TTC7B: variants seen among roughly 807,000 people sequenced by gnomAD.
TTC7B encodes tetratricopeptide repeat protein 7B.
TTC7B carries 28 observed loss-of-function variants against 106.8 expected under a neutral mutation model. That is an observed-to-expected ratio of 0.26 (90% CI 0.19 to 0.36). The LOEUF is 0.36. Among genes scored for constraint, TTC7B ranks in the 10% least tolerant of loss-of-function variants. TTC7B has a pLI of 1.00. For synonymous variants in TTC7B, 405 were observed against 430.6 expected (o/e 0.94, Z 0.74); for missense variants, 862 against 1,076.4 (o/e 0.80, Z 2.79).
At chr14:90,541,978 C>T (rs965222213) in intron 19 of TTC7B, among the ~76,000 whole-genome samples, 1 of 152,192 alleles carries the variant, frequency 6.6e-6, no homozygotes, top group African/African-American at 2.4e-5. Flanking sequence ...CTCGCTCTGT[C>T]ATCCAGGCTG....
intron 19 of TTC7B, among the ~76,000 whole-genome samples, chr14:90,548,550 CATTA>C (rs1889934172): frequency 6.6e-6 from 1 of 152,244 alleles, no homozygotes; most frequent in Non-Finnish European, 1.5e-5. Flanking sequence ...ACAGGTGCCA[CATTA>C]ATTGAGGTGG....
intron 1 of TTC7B, among the ~76,000 whole-genome samples, chr14:90,804,639 C>T (rs2030495820): frequency 1.3e-5 from 2 of 152,330 alleles, no homozygotes; most frequent in South Asian, 4.1e-4. Flanking sequence ...GAGACCACCT[C>T]CCCAGGCCTC....
intron 5 of TTC7B, chr14:90,699,487 C>T (rs994137358): frequency 4.3e-5 from 14 of 326,208 alleles, no homozygotes; most frequent in Non-Finnish European, 7.7e-5. Context: ...GACCTAGGCA[C>T]CAATACACTT....
chr14:90,754,753 C>G (rs1265030264), intron 3 of TTC7B, among the ~76,000 whole-genome samples: 1 of 152,146 alleles, frequency 6.6e-6, no homozygotes, highest in Non-Finnish European at 1.5e-5. Context: ...TCTCCCAGCC[C>G]CCGGGAACCG....
intron 19 of TTC7B, among the ~76,000 whole-genome samples, chr14:90,568,733 G>T (rs1325798915): frequency 6.6e-6 from 1 of 152,128 alleles, no homozygotes; most frequent in African/African-American, 2.4e-5. Flanking sequence ...GACTATCCCT[G>T]TGCCAAATGA....
chr14:90,788,632 C>A (rs769898729), intron 1 of TTC7B, among the ~76,000 whole-genome samples: 1 of 151,936 alleles, frequency 6.6e-6, no homozygotes, highest in African/African-American at 2.4e-5. Flanking sequence ...TTTTAGTGAA[C>A]TCTCAGGAAA....
chr14:90,713,432 C>G (rs1260335902), intron 5 of TTC7B, among the ~76,000 whole-genome samples: 1 of 152,124 alleles, frequency 6.6e-6, no homozygotes, highest in African/African-American at 2.4e-5. Context: ...CTCAGAAGCA[C>G]ATGAAAATTT....
intron 1 of TTC7B, among the ~76,000 whole-genome samples, chr14:90,793,409 A>G (rs998814334): frequency 1.3e-5 from 2 of 151,642 alleles, no homozygotes; most frequent in Non-Finnish European, 2.9e-5. Context: ...CTGTAATCCC[A>G]GCTACTCAGG....
At chr14:90,788,804 A>G (rs1451873147) in intron 1 of TTC7B, among the ~76,000 whole-genome samples, 1 of 152,004 alleles carries the variant, frequency 6.6e-6, no homozygotes, top group Non-Finnish European at 1.5e-5. Flanking sequence ...CTCTACTAAA[A>G]ATACAAAAAT....
In TTC7B at chr14:90,570,593, C is replaced by T. The variant is rs1890992757; in HGVS notation, c.2310+7513G>A. ...ATCGTGCTCGCGGCCGACCACGCAC[C>T]GAGATATATTCTCATTTCGGCTCCT... On this transcript the variant is annotated intron_variant, in intron 19 of 19. Transcript: ENST00000328459. This position sits in a 1 kb window ranked among gnomAD's most constrained non-coding sequence, Gnocchi z 4.0. Among the ~76,000 whole-genome samples the T allele has an allele frequency of 6.6e-6, 1 of 152,156 alleles. No homozygotes were observed. The highest frequency in any genetic ancestry group is 2.1e-4 in the South Asian group (1 of 4,834).
At chr14:90,695,176 G>A (rs1030855870) in intron 6 of TTC7B, among the ~76,000 whole-genome samples, 9 of 96,116 alleles carry the variant, frequency 9.4e-5, no homozygotes, top group Non-Finnish European at 7.8e-5. Flanking sequence ...TATAAAATAT[G>A]TATATTTTAT....
chr14:90,741,367 T>C (rs756108914), intron 4 of TTC7B, among the ~76,000 whole-genome samples: 1 of 152,172 alleles, frequency 6.6e-6, no homozygotes, highest in Non-Finnish European at 1.5e-5. Context: ...AATTTTACTC[T>C]TGCTAGTGAA....
At chr14:90,618,429 G>T (rs1595211895) in intron 15 of TTC7B, among the ~76,000 whole-genome samples, 1 of 152,324 alleles carries the variant, frequency 6.6e-6, no homozygotes, top group African/African-American at 2.4e-5. Flanking sequence ...CAGGAGATTT[G>T]ACTCAGTTGA....
Position 90,802,084 on chromosome 14 carries a change from G to A in TTC7B, c.121+14091C>T, listed in dbSNP as rs1418710733. Reference sequence around the variant, plus strand: ...TCTCAGGAAGGAAAAAAAAAAAAAAGAAAGAAAGAAAGCAGCTGGAACATC... The same window carrying A: ...TCTCAGGAAGGAAAAAAAAAAAAAAAAAAGAAAGAAAGCAGCTGGAACATC... On this transcript the variant is annotated intron_variant, in intron 1 of 19. Coordinates refer to ENST00000328459, the MANE Select transcript of TTC7B (RefSeq NM_001010854.2). This position sits in a 1 kb window ranked among gnomAD's most constrained non-coding sequence, Gnocchi z 4.7. Among the ~76,000 whole-genome samples the A allele has an allele frequency of 6.7e-6, 1 of 150,184 alleles. No homozygotes were observed.
chr14:90,698,879 C>A, intron 5 of TTC7B: 1 of 280,514 alleles, frequency 3.6e-6, no homozygotes, highest in Non-Finnish European at 7.0e-6. Context: ...CATTCAAATC[C>A]TTGTTTTTCC....
chr14:90,748,628 C>A (rs902046788), intron 3 of TTC7B, among the ~76,000 whole-genome samples: 2 of 152,024 alleles, frequency 1.3e-5, no homozygotes, highest in African/African-American at 2.4e-5. Flanking sequence ...TGCCCAGCTC[C>A]TACTTTAAAT....
rs189367903 is a variant in TTC7B, at chr14:90,552,777, C to T, written c.2311-11188G>A. Among the ~76,000 whole-genome samples, 297 of 152,356 alleles carry T rather than the reference C, an allele frequency of 1.9e-3. 1 individual carries two copies. Among genetic ancestry groups the T allele is most frequent in the African/African-American group, 7.0e-3 (291 of 41,582 alleles). On this transcript the variant is annotated intron_variant, in intron 19 of 19. Coordinates refer to ENST00000328459, the MANE Select transcript of TTC7B (RefSeq NM_001010854.2). ...GCGGGAGCCTGGCCCCCAGGCCGGA[C>T]ACCTTTTCCCTTGGGCCTGGGGTCG...
At chr14:90,769,298 A>C (rs921101255) in intron 3 of TTC7B, among the ~76,000 whole-genome samples, 2 of 152,250 alleles carry the variant, frequency 1.3e-5, no homozygotes, top group Non-Finnish European at 2.9e-5. Context: ...AAAATATAGC[A>C]AATTACAGAA....
At chr14:90,650,810 C>A (rs1187404815) in intron 13 of TTC7B, among the ~76,000 whole-genome samples, 1 of 152,196 alleles carries the variant, frequency 6.6e-6, no homozygotes, top group East Asian at 1.9e-4. Flanking sequence ...TAGTACAGGG[C>A]AAATGAATTG....
Sources: gnomAD v4.1 joint callset for allele counts (sites outside exome capture counted in the v4.1 genomes callset) on GRCh38, gnomAD v4.1.1 for gene constraint, Gnocchi (gnomAD v3.1) non-coding constraint, MANE v1.5 for transcripts, NCBI Gene and HGNC (gene_info 2026-07-23, HGNC 2026-07-21) for gene names.